The following BLTP1 variants were observed in gnomAD, a reference collection of about 807,000 sequenced individuals.
BLTP1 encodes the protein bridge-like lipid transfer protein family member 1, also known as fragile site-associated protein.
the BLTP1 span, chr4:122,305,285 C>A: frequency 1.2e-5 from 12 of 974,508 alleles, no homozygotes; most frequent in South Asian, 4.8e-4. Context: ...CTTGTGCTAA[C>A]ATTACTCAGT....
chr4:122,342,392 G>A, the BLTP1 span, among the ~76,000 whole-genome samples: 2 of 151,900 alleles, frequency 1.3e-5, no homozygotes, highest in Admixed American at 6.6e-5. Flanking sequence ...GTCTCACTCT[G>A]TTGTCCAGGC....
chr4:122,244,710 T>G, the BLTP1 span: 25 of 670,974 alleles, frequency 3.7e-5, no homozygotes, highest in Non-Finnish European at 4.4e-5. Context: ...CGATAACTTA[T>G]ACTATTAAGA....
chr4:122,220,431 C>T, the BLTP1 span: 3 of 1,612,062 alleles, frequency 1.9e-6, no homozygotes, highest in Middle Eastern at 1.7e-4. Context: ...TGCAACTTAT[C>T]CTGTCACCCC....
At chr4:122,237,664 A>T in the BLTP1 span, 1 of 750,156 alleles carries the variant, frequency 1.3e-6, no homozygotes, top group Non-Finnish European at 1.6e-6. Context: ...TTATGTAGAT[A>T]TATTTCTAAA....
the BLTP1 span, chr4:122,187,716 A>G: frequency 1.7e-5 from 8 of 476,870 alleles, no homozygotes; most frequent in African/African-American, 2.1e-5. Context: ...AAGTACTTAA[A>G]TTTTCTTTTA....
At chr4:122,285,983 T>C in the BLTP1 span, among the ~76,000 whole-genome samples, 1 of 152,332 alleles carries the variant, frequency 6.6e-6, no homozygotes, top group South Asian at 2.1e-4. Flanking sequence ...ATTCATAACA[T>C]ATCCTTATTT....
At chr4:122,257,292 G>T in the BLTP1 span, 1 of 1,613,910 alleles carries the variant, frequency 6.2e-7, no homozygotes, top group Non-Finnish European at 8.5e-7. Flanking sequence ...TTGAAGAAAG[G>T]TTTAGTTGCA....
At chr4:122,199,434 A>G in the BLTP1 span, 4 of 1,613,364 alleles carry the variant, frequency 2.5e-6, no homozygotes, top group Non-Finnish European at 3.4e-6. Flanking sequence ...ACCCTTTTAG[A>G]AGCAGAAATG....
At chr4:122,314,046 A>G in the BLTP1 span, 336 of 965,156 alleles carry the variant, frequency 3.5e-4, 9 homozygotes, top group South Asian at 0.014. Context: ...TCCGGTTGCT[A>G]TTGAAATGTA....
chr4:122,289,969 CA>C, the BLTP1 span: 13 of 200,480 alleles, frequency 6.5e-5, no homozygotes, highest in African/African-American at 2.4e-4. Flanking sequence ...AGTCGTATCC[CA>C]AAACTTAAGA....
chr4:122,152,680 C>T, the BLTP1 span: 1 of 967,600 alleles, frequency 1.0e-6, no homozygotes, highest in South Asian at 4.8e-5. Flanking sequence ...AGAGCTTTGG[C>T]TTAGTAGTGG....
chr4:122,163,917 C>T, the BLTP1 span, among the ~76,000 whole-genome samples: 2 of 152,148 alleles, frequency 1.3e-5, no homozygotes, highest in African/African-American at 4.8e-5. Context: ...CCCCTAATCT[C>T]TTTTGTTTTA....
the BLTP1 span, chr4:122,164,340 G>A: frequency 1.1e-6 from 1 of 904,428 alleles, no homozygotes; most frequent in Non-Finnish European, 1.3e-6. Context: ...TTTAAATTAT[G>A]GAAATATTAC....
chr4:122,195,723 C>G, the BLTP1 span: 1 of 694,800 alleles, frequency 1.4e-6, no homozygotes. Flanking sequence ...TCTTAATTTT[C>G]TATATTTATG....
chr4:122,195,921 C>T, the BLTP1 span, among the ~76,000 whole-genome samples: 1 of 152,120 alleles, frequency 6.6e-6, no homozygotes, highest in Non-Finnish European at 1.5e-5. Context: ...AAGCCATAGA[C>T]TGGCACCTTC....
the BLTP1 span, chr4:122,227,544 C>A: frequency 1.2e-6 from 1 of 869,050 alleles, no homozygotes; most frequent in Non-Finnish European, 1.4e-6. Flanking sequence ...CCTGGTTCTA[C>A]AACACAGTGG....
chr4:122,287,533 T>G, the BLTP1 span: 2 of 975,772 alleles, frequency 2.0e-6, no homozygotes, highest in Non-Finnish European at 2.4e-6. Flanking sequence ...AGACACACTG[T>G]GCTGTGTCTC....
chr4:122,308,253 G>A, the BLTP1 span: 3 of 1,398,946 alleles, frequency 2.1e-6, no homozygotes, highest in Non-Finnish European at 2.9e-6. Context: ...ACATTTTTCA[G>A]TGTAACAGTT....
chr4:122,182,961 C>T, the BLTP1 span: 21 of 982,822 alleles, frequency 2.1e-5, no homozygotes, highest in Middle Eastern at 1.0e-3. Context: ...TGACTTCATA[C>T]GTGTATTCTG....
Sources: gnomAD v4.1 joint callset for allele counts (sites outside exome capture counted in the v4.1 genomes callset) on GRCh38, gnomAD v4.1.1 for gene constraint, MANE v1.5 for transcripts, NCBI Gene and HGNC (gene_info 2026-07-23, HGNC 2026-07-21) for gene names.